Variants in DENND2D observed in about 807,000 individuals in gnomAD.
The protein encoded by DENND2D is DENN domain containing 2D, also known as DENN domain-containing protein 2D.
In DENND2D, 37 loss-of-function variants were observed where a neutral mutation model predicts 59.8. That is an observed-to-expected ratio of 0.62 (90% CI 0.48 to 0.81). The LOEUF (loss-of-function observed/expected upper bound fraction) is 0.81. DENND2D is among the 40% of genes least tolerant of loss of function. The pLI, the probability that DENND2D is intolerant of heterozygous loss-of-function variation, is 0.00. For missense variants in DENND2D, 525 were observed against 579.7 expected, an observed-to-expected ratio of 0.91 and a Z score of 0.97; for synonymous variants, 219 against 211.3, an observed-to-expected ratio of 1.04 and a Z score of -0.31.
upstream of DENND2D, among the ~76,000 whole-genome samples, chr1:111,203,710 C>T (rs989673644): frequency 6.6e-6 from 1 of 152,230 alleles, no homozygotes; most frequent in Non-Finnish European, 1.5e-5. Flanking sequence ...TGGAAAGCAG[C>T]AGCTGCGCAG....
At chr1:111,194,470 TG>T in intron 7 of DENND2D, 107 bp downstream of exon 7, 1 of 1,280,376 alleles carries the variant, frequency 7.8e-7, no homozygotes, top group Non-Finnish European at 1.1e-6. Flanking sequence ...AACAGGAGGG[TG>T]GGCGCATGGA....
intron 2 of DENND2D, 127 bp from the exon 3 acceptor site, chr1:111,198,869 TA>T: frequency 4.5e-6 from 4 of 884,040 alleles, no homozygotes; most frequent in Non-Finnish European, 5.3e-6. Flanking sequence ...TCCACTAGCA[TA>T]GGGGCGAAGG....
At chr1:111,188,936 G>GT in intron 9 of DENND2D, 150 bp from the exon 10 acceptor site, 2 of 754,798 alleles carry the variant, frequency 2.6e-6, no homozygotes, top group Non-Finnish European at 4.5e-6. Context: ...CTGTTTCTTG[G>GT]CCTTTAGTTT....
upstream of DENND2D, chr1:111,204,552 G>T (rs971305065): frequency 2.0e-6 from 1 of 495,820 alleles, no homozygotes; most frequent in Non-Finnish European, 3.3e-6. Flanking sequence ...CTCGCCCTGG[G>T]CAGGGCAGCG....
At chr1:111,192,427 G>T in intron 7 of DENND2D, 110 bp from the exon 8 acceptor site, 1 of 1,189,942 alleles carries the variant, frequency 8.4e-7, no homozygotes, top group Non-Finnish European at 1.1e-6. Flanking sequence ...CCATGCCCAT[G>T]GGCAGAAAGG....
At chr1:111,195,743 G>C (rs1244916586) in intron 6 of DENND2D, 173 bp downstream of exon 6, 4 of 850,330 alleles carry the variant, frequency 4.7e-6, no homozygotes, top group Non-Finnish European at 7.4e-6. Flanking sequence ...AAGTTAGAAG[G>C]ATCAGAAAAT....
At chr1:111,196,306 CA>C (rs1258094125) in intron 5 of DENND2D, 6 of 386,746 alleles carry the variant, frequency 1.6e-5, no homozygotes, top group Non-Finnish European at 2.8e-5. Context: ...TATCTCTCTA[CA>C]CATCCATATT....
chr1:111,204,135 T>A, upstream of DENND2D: 2 of 338,352 alleles, frequency 5.9e-6, no homozygotes, highest in East Asian at 1.9e-4. Context: ...CGCGCGCTCC[T>A]TCCCGCTCAC....
Position 111,198,816 on chromosome 1 carries a change from T to C in DENND2D, c.244-74A>G. 3 of 1,514,862 alleles carry C rather than the reference T, an allele frequency of 2.0e-6. No homozygotes were observed. The South Asian group carries it at 3.4e-5, about 17-fold the overall frequency. 93.8% of individuals were successfully genotyped at this position (1,514,862 alleles called of 1,614,324 possible). ...TAGCAGGAGACAGCTTCAGAGCTGG[T>C]GGGCTTCCTTTGAGGCTCTAAAGCA... is the stretch of plus-strand genomic sequence containing the variant. On this transcript the variant is annotated intron_variant, in intron 2 of 11. Transcript: ENST00000357640.
In DENND2D at chr1:111,192,249, A is replaced by G; in HGVS notation, c.863T>C (p.Ile288Thr). 6.2e-7 allele frequency: 1 copy of G among 1,614,010 alleles called. No homozygotes were observed. Reference protein sequence around the residue: ...LYPFSWAHTYIPVVPESLLAT... With the variant: ...LYPFSWAHTYTPVVPESLLAT... ...CAGAAGGCTCTCAGGGACAACAGGG[A>G]TGTAGGTGTGCGCCCAGCTGAAGGG... The change falls in exon 8 of 12, where the codon ATC becomes ACC. Residue 288 changes from isoleucine (I) to threonine (T), a missense_variant. Physicochemically the swap from Ile to Thr is moderately conservative, Grantham distance 89. Transcript: ENST00000357640.
chr1:111,192,644 A>T (rs547755877), intron 7 of DENND2D, among the ~76,000 whole-genome samples: 2 of 152,128 alleles, frequency 1.3e-5, no homozygotes, highest in African/African-American at 4.8e-5. Context: ...ATTCAAGGAG[A>T]TAATTGATTG....
intron 8 of DENND2D, 132 bp from the exon 9 acceptor site, chr1:111,189,385 C>T (rs1283420491): frequency 4.8e-6 from 4 of 834,976 alleles, no homozygotes; most frequent in African/African-American, 3.4e-5. Context: ...CTTCAGTTCT[C>T]ATTTCCTATC....
chr1:111,190,661 G>A lies in DENND2D; in HGVS notation c.973-1408C>T, dbSNP rs185908324. Among the ~76,000 whole-genome samples the A allele has an allele frequency of 7.2e-5, 11 of 152,266 alleles. No individual in the cohort carries two copies. In the East Asian group the frequency reaches 1.7e-3, roughly 24 times the overall value. ...ACCGTAACTTCCCAAATCATGTATT[G>A]GTCATTTAAATGCCCGCTGGGCCTC... is the stretch of plus-strand genomic sequence containing the variant. On this transcript the variant is annotated intron_variant, in intron 8 of 11. Transcript: ENST00000357640.
intron 5 of DENND2D, chr1:111,196,260 C>T (rs1023845503): frequency 1.9e-6 from 1 of 519,036 alleles, no homozygotes; most frequent in Admixed American, 3.7e-5. Flanking sequence ...GTTTATCTCC[C>T]ACATAAGACC....
rs1658694287 is a variant in DENND2D, at chr1:111,200,450, G to T, written c.10C>A (p.Gln4Lys). Residue 4 changes from glutamine to lysine, a missense_variant, in exon 1 of 12, where the codon CAA (glutamine) becomes AAA (lysine). This residue lies in a region of DENND2D where 253 missense variants were observed against 246.4 expected (regional missense o/e 1.03). Coordinates refer to ENST00000357640, the MANE Select transcript of DENND2D (RefSeq NM_024901.5). MEG[Q>K]VVGRVFRLFQ... is the part of the protein sequence containing the mutation. ...AGCCTGAACACCCGGCCTACCACTT[G>T]TCCTTCCATCTCTGGGCCTTCAGGA... 3 of 1,611,124 alleles carry T rather than the reference G, an allele frequency of 1.9e-6. No homozygotes were observed. The highest frequency in any genetic ancestry group is 1.7e-5 in the Admixed American group (1 of 59,818).
chr1:111,197,699 C>G, intron 4 of DENND2D: 1 of 1,408,468 alleles, frequency 7.1e-7, no homozygotes, highest in Non-Finnish European at 9.2e-7. Context: ...CCAGAGAGAG[C>G]ACAGACCAGA....
intron 6 of DENND2D, chr1:111,195,143 G>T (rs1000706402): frequency 1.8e-5 from 3 of 162,840 alleles, no homozygotes; most frequent in South Asian, 1.9e-4. Context: ...ACCCTGTTTT[G>T]TTTTTTTTTC....
At position 111,192,216 on chromosome 1, in the gene DENND2D, A is replaced by G. The variant is rs1347830825; in HGVS notation, c.896T>C (p.Val299Ala). ...PVVPESLLATVCCPTPFMVGV... is the reference protein window; with the variant it reads ...PVVPESLLATACCPTPFMVGV... The stretch of plus-strand genomic sequence containing the variant: ...AACCATGAAGGGGGTGGGGCAGCAG[A>G]CGGTGGCCAGAAGGCTCTCAGGGAC... The change falls in exon 8 of 12, where the codon GTC (valine) becomes GCC (alanine). Residue 299 changes from valine (V) to alanine (A), a missense_variant. Coordinates refer to ENST00000357640, the MANE Select transcript of DENND2D (RefSeq NM_024901.5). 3 of 1,614,024 alleles carry G rather than the reference A, an allele frequency of 1.9e-6. No homozygotes were observed. The highest frequency in any genetic ancestry group is 2.5e-6 in the Non-Finnish European group (3 of 1,179,934).
Position 111,192,226 on chromosome 1 carries a change from G to A in DENND2D, c.886C>T (p.Leu296=). The part of the protein sequence containing the change: ...TYIPVVPESL[L]ATVCCPTPFM... ...GGGGTGGGGCAGCAGACGGTGGCCA[G>A]AAGGCTCTCAGGGACAACAGGGATG... Residue 296 remains leucine, a synonymous_variant, in exon 8 of 12, where the codon CTG becomes TTG. Transcript: ENST00000357640. 6.2e-7 allele frequency: 1 copy of A among 1,614,042 alleles called. No individual in the cohort carries two copies. Among genetic ancestry groups the A allele is most frequent in the Non-Finnish European group, 8.5e-7 (1 of 1,179,946 alleles).
Sources: allele counts gnomAD v4.1 joint callset (sites outside exome capture counted in the v4.1 genomes callset), GRCh38; gene constraint gnomAD v4.1.1; regional missense constraint gnomAD v4.1.1; transcripts MANE v1.5; gene names NCBI Gene and HGNC (gene_info 2026-07-23, HGNC 2026-07-21).